Variants in DYNC2H1 observed in about 807,000 individuals in gnomAD.
DYNC2H1 encodes cytoplasmic dynein 2 heavy chain 1.
Under a neutral mutation model 570.0 loss-of-function variants are expected in DYNC2H1, and 410 were observed. That is an observed-to-expected ratio of 0.72 (90% CI 0.66 to 0.78). The LOEUF is 0.78. DYNC2H1 is among the 30% of genes least tolerant of loss of function. The pLI is 0.00. For synonymous variants in DYNC2H1, 1,688 were observed against 1,677.6 expected (o/e 1.01, Z -0.15); for missense variants, 4,865 against 5,046.4 (o/e 0.96, Z 1.09).
At chr11:103,458,983 C>A (rs1030246520) in intron 87 of DYNC2H1, among the ~76,000 whole-genome samples, 2 of 151,658 alleles carry the variant, frequency 1.3e-5, no homozygotes, top group South Asian at 2.1e-4. Flanking sequence ...GGCTATAGTT[C>A]TTTAATGCAG....
chr11:103,245,568 A>C lies in DYNC2H1; in HGVS notation c.10042+194A>C, dbSNP rs912892923. Among the ~76,000 whole-genome samples, 5 of 152,144 alleles carry C rather than the reference A, an allele frequency of 3.3e-5. No individual in the cohort carries two copies. Among genetic ancestry groups the C allele is most frequent in the African/African-American group, 1.2e-4 (5 of 41,460 alleles). ...TATCAGGAAAGCTCAGTAGAGACCT[A>C]GTACCCATAGTTTACTGGGGGTTGA... is the stretch of plus-strand genomic sequence containing the variant. On this transcript the variant is annotated intron_variant, in intron 65 of 88. Transcript: ENST00000375735. This position sits in a 1 kb window ranked among gnomAD's most constrained non-coding sequence, Gnocchi z 4.5.
chr11:103,177,951 T>C lies in DYNC2H1; in HGVS notation c.6139+131T>C. On this transcript the variant is annotated intron_variant, in intron 38 of 88. Coordinates refer to ENST00000375735, the MANE Select transcript of DYNC2H1 (RefSeq NM_001377.3). The surrounding 1 kb of genome is among the most constrained non-coding windows in gnomAD (Gnocchi z 4.4). The stretch of plus-strand genomic sequence containing the variant: ...CATAATTAAGTTAAAATGATGTACA[T>C]TTGATATTTTACTTTGGAGGGGGCC... 2 of 1,073,662 alleles carry C rather than the reference T, an allele frequency of 1.9e-6. No homozygotes were observed. The highest frequency in any genetic ancestry group is 3.8e-5 in the South Asian group (2 of 52,214). 66.5% of individuals were successfully genotyped at this position (1,073,662 alleles called of 1,614,324 possible).
intron 88 of DYNC2H1, among the ~76,000 whole-genome samples, chr11:103,473,566 G>A (rs968584807): frequency 6.6e-6 from 1 of 151,970 alleles, no homozygotes; most frequent in South Asian, 2.1e-4. Flanking sequence ...TCCCTCCCTT[G>A]GAAAGTCTTA....
At chr11:103,286,717 C>G (rs1478434995) in intron 74 of DYNC2H1, among the ~76,000 whole-genome samples, 1 of 152,032 alleles carries the variant, frequency 6.6e-6, no homozygotes. Flanking sequence ...AAGGAAAAGA[C>G]CTAATAGTGA....
rs748643541 is a variant in DYNC2H1, at chr11:103,435,938, T to C, written c.12367-5T>C. ...AACTTAATTTTGACCCTTTTTAAAT[T>C]GCAGTGTCCTCTCGCATGGCAGAGC... On this transcript the variant is annotated splice_polypyrimidine_tract_variant and splice_region_variant and intron_variant, in intron 84 of 88. Coordinates refer to ENST00000375735, the MANE Select transcript of DYNC2H1 (RefSeq NM_001377.3). The C allele has an allele frequency of 1.9e-6, 3 of 1,612,080 alleles. No individual in the cohort carries two copies. Among genetic ancestry groups the C allele is most frequent in the Non-Finnish European group, 2.5e-6 (3 of 1,178,844 alleles).
At position 103,326,285 on chromosome 11, in the gene DYNC2H1, T is replaced by C. The variant is rs1223579232; in HGVS notation, c.12039+2295T>C. ...CTCACCAGGGCCCCGTCCTTGGCTT[T>C]GAGTGAGCCTCTTCTGATCATTGGC... On this transcript the variant is annotated intron_variant, in intron 82 of 88. Transcript: ENST00000375735. The surrounding 1 kb of genome is among the most constrained non-coding windows in gnomAD (Gnocchi z 6.1). 6.6e-6 allele frequency among the ~76,000 whole-genome samples: 1 copy of C among 152,178 alleles called. No homozygotes were observed. Among genetic ancestry groups the C allele is most frequent in the Non-Finnish European group, 1.5e-5 (1 of 68,022 alleles).
Position 103,170,368 on chromosome 11 carries a change from T to G in DYNC2H1, c.5151+78T>G. 7.6e-7 allele frequency: 1 copy of G among 1,310,120 alleles called. No individual in the cohort carries two copies. The highest frequency in any genetic ancestry group is 2.7e-5 in the East Asian group (1 of 37,246). 81.2% of individuals were successfully genotyped at this position (1,310,120 alleles called of 1,614,324 possible). On this transcript the variant is annotated intron_variant, in intron 33 of 88. Transcript: ENST00000375735. The surrounding 1 kb of genome is among the most constrained non-coding windows in gnomAD (Gnocchi z 4.8). Reference sequence around the variant, plus strand: ...TAGTTTCTATTAGTATATGAAATACTCTACTTAAAAATCACTACATTTAAA... The same window carrying G: ...TAGTTTCTATTAGTATATGAAATACGCTACTTAAAAATCACTACATTTAAA...
intron 57 of DYNC2H1, among the ~76,000 whole-genome samples, chr11:103,221,701 C>CA (rs1441855013): frequency 6.6e-6 from 1 of 152,032 alleles, no homozygotes; most frequent in Non-Finnish European, 1.5e-5. Flanking sequence ...ACCAAAAATA[C>CA]AAAAATTAGC....
intron 36 of DYNC2H1, among the ~76,000 whole-genome samples, chr11:103,175,776 C>G (rs1011195155): frequency 6.6e-6 from 1 of 152,118 alleles, no homozygotes; most frequent in Non-Finnish European, 1.5e-5. Flanking sequence ...ATTAGTTTAT[C>G]TGGAATTGAA....
chr11:103,112,997 C>G (rs977602634), intron 1 of DYNC2H1, among the ~76,000 whole-genome samples: 3 of 152,146 alleles, frequency 2.0e-5, no homozygotes, highest in Non-Finnish European at 2.9e-5. Flanking sequence ...GAAAAATTTT[C>G]AGTTAAGATA....
At chr11:103,270,696 A>AT (rs1439796097) in intron 70 of DYNC2H1, among the ~76,000 whole-genome samples, 1 of 152,128 alleles carries the variant, frequency 6.6e-6, no homozygotes, top group African/African-American at 2.4e-5. Flanking sequence ...GGTAGCATAT[A>AT]TGGCATGGAT....
At chr11:103,121,219 T>C (rs992003566) in intron 9 of DYNC2H1, among the ~76,000 whole-genome samples, 153 bp from the exon 10 acceptor site, 1 of 152,238 alleles carries the variant, frequency 6.6e-6, no homozygotes, top group Non-Finnish European at 1.5e-5. Flanking sequence ...TATAATTCGC[T>C]GTTTCATTTG....
intron 29 of DYNC2H1, among the ~76,000 whole-genome samples, 175 bp from the exon 30 acceptor site, chr11:103,162,853 A>C (rs971808238): frequency 1.3e-5 from 2 of 152,240 alleles, no homozygotes; most frequent in African/African-American, 4.8e-5. Flanking sequence ...GAAAATAAAG[A>C]ATTATATTCC....
rs115893254 is a variant in DYNC2H1 at position 103,205,161 on chromosome 11, A to T, written c.8454+197A>T. 0.025 allele frequency among the ~76,000 whole-genome samples: 3,870 copies of T among 152,264 alleles called. 178 individuals are homozygous for T. Among genetic ancestry groups the T allele is most frequent in the African/African-American group, 0.088 (3,676 of 41,544 alleles). Reference sequence around the variant, plus strand: ...AATGTAGAATTTTAGATTGAGGATCATGTTCTTAATTAAGGACCCCAGAGA... The same window carrying T: ...AATGTAGAATTTTAGATTGAGGATCTTGTTCTTAATTAAGGACCCCAGAGA... On this transcript the variant is annotated intron_variant, in intron 52 of 88. Transcript: ENST00000375735. The surrounding 1 kb of genome is among the most constrained non-coding windows in gnomAD (Gnocchi z 4.5).
At chr11:103,445,835 G>A (rs1761246569) in intron 85 of DYNC2H1, among the ~76,000 whole-genome samples, 1 of 152,050 alleles carries the variant, frequency 6.6e-6, no homozygotes, top group African/African-American at 2.4e-5. Context: ...TGTATTTTTA[G>A]TAGAGACGGG....
intron 17 of DYNC2H1, among the ~76,000 whole-genome samples, chr11:103,137,071 T>C (rs1371273115): frequency 6.8e-5 from 10 of 147,286 alleles, no homozygotes; most frequent in Admixed American, 4.8e-4. Flanking sequence ...TTTGATGGGG[T>C]TGTTTGTTTT....
At chr11:103,327,694 T>A (rs774995820) in intron 82 of DYNC2H1, among the ~76,000 whole-genome samples, 2 of 152,122 alleles carry the variant, frequency 1.3e-5, no homozygotes, top group Non-Finnish European at 2.9e-5. Flanking sequence ...ATGTTCAGCA[T>A]CTTCATCTTA....
chr11:103,158,632 C>T, intron 26 of DYNC2H1, 45 bp from the exon 27 acceptor site: 2 of 1,466,924 alleles, frequency 1.4e-6, no homozygotes, highest in Admixed American at 2.4e-5. Flanking sequence ...CTTACCCCCC[C>T]AAATTGTTAA....
At chr11:103,221,887 T>G in intron 57 of DYNC2H1, 143 bp from the exon 58 acceptor site, 1 of 760,226 alleles carries the variant, frequency 1.3e-6, no homozygotes, top group Non-Finnish European at 2.0e-6. Context: ...GGATAATACA[T>G]TAGAAGCTTA....
Sources: gnomAD v4.1 joint callset for allele counts (sites outside exome capture counted in the v4.1 genomes callset) on GRCh38, gnomAD v4.1.1 for gene constraint, Gnocchi (gnomAD v3.1) non-coding constraint, MANE v1.5 for transcripts, NCBI Gene and HGNC (gene_info 2026-07-23, HGNC 2026-07-21) for gene names.